Variants in PHIP observed in about 807,000 individuals in gnomAD.
PHIP encodes the protein PH-interacting protein.
A neutral mutation model predicts 236.8 loss-of-function variants in PHIP; 54 were observed. That is an observed-to-expected ratio of 0.23 (90% confidence interval 0.18 to 0.29). The LOEUF is 0.29. Ranked by LOEUF, PHIP falls within the 10% of genes least tolerant of loss-of-function variation. PHIP has a pLI of 1.00. For synonymous variants in PHIP, 756 were observed against 718.9 expected, an observed-to-expected ratio of 1.05 and a Z score of -0.83; for missense variants, 1,370 against 2,190.8, an observed-to-expected ratio of 0.63 and a Z score of 7.48.
intron 28 of PHIP, 36 bp downstream of exon 28, chr6:78,965,909 C>T: frequency 1.4e-6 from 2 of 1,470,840 alleles, no homozygotes; most frequent in Non-Finnish European, 1.9e-6. Flanking sequence ...TCAAAGCAAG[C>T]CTAGGTGAAC....
At chr6:78,955,713 ATTAG>A in intron 32 of PHIP, 31 bp from the exon 33 acceptor site, 1 of 715,966 alleles carries the variant, frequency 1.4e-6, no homozygotes, top group Non-Finnish European at 2.4e-6. Context: ...AACATGTAAG[ATTAG>A]AACCATGATA....
At chr6:79,039,974 C>T (rs1772128653) in intron 7 of PHIP, among the ~76,000 whole-genome samples, 2 of 152,072 alleles carry the variant, frequency 1.3e-5, no homozygotes, top group African/African-American at 4.8e-5. Context: ...TTTCCTAATA[C>T]AGAATTTCAT....
chr6:79,038,023 T>G (rs754682080), intron 7 of PHIP, among the ~76,000 whole-genome samples: 4 of 152,226 alleles, frequency 2.6e-5, no homozygotes, highest in Non-Finnish European at 5.9e-5. Context: ...ATCATATCTT[T>G]TAATTGTCAA....
rs776162259 is a variant in PHIP at position 78,941,313 on chromosome 6, C to G, written c.4846G>C (p.Ala1616Pro). The change falls in exon 40 of 40, where the codon GCT becomes CCT. Residue 1616 changes from alanine to proline, a missense_variant. Transcript: ENST00000275034. Reference protein sequence around the residue: ...VIEQGDCKNNALVPGTIQVNG... With the variant: ...VIEQGDCKNNPLVPGTIQVNG... The stretch of plus-strand genomic sequence containing the variant: ...ACTTGAATGGTTCCTGGTACAAGAG[C>G]GTTGTTCTTACAATCTCCTAAAAGG... 1.2e-6 allele frequency: 2 copies of G among 1,612,860 alleles called. No homozygotes were observed. The highest frequency in any genetic ancestry group is 1.7e-6 in the Non-Finnish European group (2 of 1,179,340).
At chr6:78,988,443 C>T in intron 20 of PHIP, 94 bp from the exon 21 acceptor site, 1 of 959,524 alleles carries the variant, frequency 1.0e-6, no homozygotes, top group Middle Eastern at 3.4e-4. Flanking sequence ...AAAATTCAAG[C>T]TGGGCATGGT....
intron 4 of PHIP, among the ~76,000 whole-genome samples, chr6:79,065,814 C>T (rs1203638279): frequency 6.9e-6 from 1 of 144,568 alleles, no homozygotes; most frequent in African/African-American, 2.6e-5. Flanking sequence ...ACAGAATAAA[C>T]AAAAATATTT....
intron 18 of PHIP, among the ~76,000 whole-genome samples, chr6:78,997,846 A>G (rs559407856): frequency 6.6e-6 from 1 of 152,092 alleles, no homozygotes; most frequent in East Asian, 1.9e-4. Context: ...ATACAAAATC[A>G]TTACTTTAAA....
chr6:79,029,931 A>AC (rs1771589631), intron 7 of PHIP, among the ~76,000 whole-genome samples: 1 of 152,216 alleles, frequency 6.6e-6, no homozygotes, highest in African/African-American at 2.4e-5. Flanking sequence ...CCATAAGCCT[A>AC]CCTCTAGTTC....
rs1562108033 is a variant in PHIP at position 78,939,500 on chromosome 6, A to G, written c.*1193T>C. ...CCTTAAAATTAAACTATAAAGTATG[A>G]CATTTTAAAATTATTTTTATTCTAC... is the stretch of plus-strand genomic sequence containing the variant. On this transcript the variant is annotated 3_prime_UTR_variant, in exon 40 of 40. Coordinates refer to ENST00000275034, the MANE Select transcript of PHIP (RefSeq NM_017934.7). 3 of 151,922 alleles carry G rather than the reference A, an allele frequency of 2.0e-5. No homozygotes were observed. Among genetic ancestry groups the G allele is most frequent in the Admixed American group, 2.0e-4 (3 of 15,250 alleles). The allele number at this position is 151,922 out of a possible 1,614,324, so 9.4% of individuals were successfully genotyped here.
chr6:78,974,119 C>T (rs557465691), intron 24 of PHIP, among the ~76,000 whole-genome samples: 1 of 151,886 alleles, frequency 6.6e-6, no homozygotes, highest in African/African-American at 2.4e-5. Flanking sequence ...TGACCACATA[C>T]TTGGAAGTAA....
intron 39 of PHIP, among the ~76,000 whole-genome samples, chr6:78,943,136 CTT>C (rs1773586729): frequency 6.6e-6 from 1 of 152,014 alleles, no homozygotes; most frequent in African/African-American, 2.4e-5. Flanking sequence ...TTAAAATTAA[CTT>C]TACCTGTTTT....
At chr6:79,058,542 T>C (rs1235888099) in intron 6 of PHIP, among the ~76,000 whole-genome samples, 1 of 151,972 alleles carries the variant, frequency 6.6e-6, no homozygotes, top group Non-Finnish European at 1.5e-5. Flanking sequence ...CATAATGGAG[T>C]CAAACAGTCT....
chr6:78,995,965 T>G (rs1466670485), intron 19 of PHIP, among the ~76,000 whole-genome samples: 2 of 152,184 alleles, frequency 1.3e-5, no homozygotes, highest in African/African-American at 4.8e-5. Context: ...GGCCACAGTC[T>G]TGCTTGACCA....
chr6:79,061,695 A>G (rs1393046965), intron 4 of PHIP, among the ~76,000 whole-genome samples: 1 of 152,192 alleles, frequency 6.6e-6, no homozygotes, highest in Non-Finnish European at 1.5e-5. Flanking sequence ...GTAAATACCA[A>G]TAGATTATAA....
At chr6:78,972,006 C>A (rs1351273708) in intron 24 of PHIP, among the ~76,000 whole-genome samples, 2 of 151,960 alleles carry the variant, frequency 1.3e-5, no homozygotes, top group East Asian at 3.9e-4. Context: ...CCGGGAAGCT[C>A]GAACTGGGTG....
chr6:79,061,029 A>T (rs1213826386), intron 4 of PHIP, among the ~76,000 whole-genome samples: 1 of 152,336 alleles, frequency 6.6e-6, no homozygotes, highest in African/African-American at 2.4e-5. Flanking sequence ...GAATTTCATA[A>T]TTTACCAAAA....
In PHIP at chr6:78,946,263, G is replaced by A. The variant is rs780190546; in HGVS notation, c.4371-3C>T. ...AGATCCTTTTTTTCCTTTCAGGGCTGTAAATAAAATAGTATTGTCAGTCAC... is the reference window on the plus strand; with the variant it reads ...AGATCCTTTTTTTCCTTTCAGGGCTATAAATAAAATAGTATTGTCAGTCAC... On this transcript the variant is annotated splice_region_variant and splice_polypyrimidine_tract_variant and intron_variant, in intron 37 of 39. Coordinates refer to ENST00000275034, the MANE Select transcript of PHIP (RefSeq NM_017934.7). The A allele has an allele frequency of 1.2e-6, 2 of 1,610,196 alleles. No homozygotes were observed. Among genetic ancestry groups the A allele is most frequent in the South Asian group, 2.2e-5 (2 of 90,634 alleles).
chr6:79,028,327 G>T (rs1444644448), intron 7 of PHIP, among the ~76,000 whole-genome samples: 1 of 152,128 alleles, frequency 6.6e-6, no homozygotes, highest in Non-Finnish European at 1.5e-5. Flanking sequence ...GTGTGAATTA[G>T]GCTAAGACAG....
chr6:78,972,013 G>A (rs977805347), intron 24 of PHIP, among the ~76,000 whole-genome samples: 139 of 152,062 alleles, frequency 9.1e-4, no homozygotes, highest in Non-Finnish European at 1.7e-3. Context: ...GCTCGAACTG[G>A]GTGGAGCCCA....
Sources: allele counts gnomAD v4.1 joint callset (sites outside exome capture counted in the v4.1 genomes callset), GRCh38; gene constraint gnomAD v4.1.1; transcripts MANE v1.5; gene names NCBI Gene and HGNC (gene_info 2026-07-23, HGNC 2026-07-21).